THRB: variants seen among roughly 807,000 people sequenced by gnomAD.
THRB encodes the protein thyroid hormone receptor beta.
Under a neutral mutation model 47.8 loss-of-function variants are expected in THRB, and 12 were observed. That is an observed-to-expected ratio of 0.25 (90% confidence interval 0.16 to 0.41). THRB has a LOEUF of 0.41. Ranked by LOEUF, THRB falls within the 10% of genes least tolerant of loss-of-function variation. The pLI, the probability that THRB is intolerant of heterozygous loss-of-function variation, is 1.00. For missense variants in THRB, 348 were observed against 589.2 expected (o/e 0.59, Z 4.24); for synonymous variants, 218 against 212.2 (o/e 1.03, Z -0.24).
chr3:24,335,669 C>T lies in THRB; in HGVS notation c.-189+1631G>A, dbSNP rs181938508. ...CCTTGCCAGCCAATCCTCTCTTCTC[C>T]CCAAGGTAATCACTATTTTGATTCT... On this transcript the variant is annotated intron_variant, in intron 2 of 10. Coordinates refer to ENST00000646209, the MANE Select transcript of THRB (RefSeq NM_001354712.2). Among the ~76,000 whole-genome samples, 37 of 152,264 alleles carry T rather than the reference C, an allele frequency of 2.4e-4. No homozygotes were observed. The East Asian group carries it at 6.9e-3, about 29-fold the overall frequency.
At chr3:24,461,651 C>A (rs2073711265) in intron 1 of THRB, among the ~76,000 whole-genome samples, 1 of 152,034 alleles carries the variant, frequency 6.6e-6, no homozygotes, top group South Asian at 2.1e-4. Context: ...TAACTATAAG[C>A]CAACTAATCT....
intron 3 of THRB, among the ~76,000 whole-genome samples, chr3:24,240,758 G>C (rs577868966): frequency 2.6e-5 from 4 of 152,286 alleles, no homozygotes; most frequent in Non-Finnish European, 4.4e-5. Context: ...GATTCAGTTA[G>C]TTTGGGGTGC....
At chr3:24,459,379 T>C (rs1207232917) in intron 1 of THRB, 1 of 152,212 alleles carries the variant, frequency 6.6e-6, no homozygotes, top group Non-Finnish European at 1.5e-5. Context: ...GACATTTCGG[T>C]TGGTTCCAAG....
At chr3:24,428,480 C>T (rs1486162957) in intron 1 of THRB, among the ~76,000 whole-genome samples, 1 of 151,992 alleles carries the variant, frequency 6.6e-6, no homozygotes, top group Non-Finnish European at 1.5e-5. Context: ...TGGAACTTGC[C>T]AGTGTTACCA....
intron 5 of THRB, among the ~76,000 whole-genome samples, chr3:24,184,767 A>G (rs4858584): frequency 0.045 from 6,880 of 152,208 alleles, 466 homozygotes; most frequent in African/African-American, 0.15. Context: ...GCAGATCCTG[A>G]TGTATGATGA....
In THRB at chr3:24,492,721, T is replaced by C. The variant is rs1308151588; in HGVS notation, c.-261+1931A>G. Among the ~76,000 whole-genome samples the C allele has an allele frequency of 2.0e-5, 3 of 152,358 alleles. No individual in the cohort carries two copies. In the East Asian group the frequency reaches 5.8e-4, roughly 29 times the overall value. ...AAAAGTTGTCTTAATTCATCTCTAA[T>C]TATGGCAGAATTTACTACAAAGAAA... On this transcript the variant is annotated intron_variant, in intron 1 of 10. Coordinates refer to ENST00000646209, the MANE Select transcript of THRB (RefSeq NM_001354712.2).
intron 3 of THRB, among the ~76,000 whole-genome samples, chr3:24,287,907 A>G (rs566104293): frequency 1.3e-5 from 2 of 152,360 alleles, no homozygotes; most frequent in Admixed American, 6.5e-5. Context: ...AAGGAACAAC[A>G]TTTACTCATA....
intron 5 of THRB, among the ~76,000 whole-genome samples, chr3:24,171,015 C>T (rs2040366852): frequency 6.6e-6 from 1 of 152,142 alleles, no homozygotes; most frequent in African/African-American, 2.4e-5. Context: ...ATTAAACTTA[C>T]CTCAGTTGAG....
chr3:24,335,683 T>A (rs1018998407), intron 2 of THRB, among the ~76,000 whole-genome samples: 1 of 152,208 alleles, frequency 6.6e-6, no homozygotes, highest in African/African-American at 2.4e-5. Flanking sequence ...AGGTAATCAC[T>A]ATTTTGATTC....
Position 24,203,392 on chromosome 3 carries a change from G to A in THRB, c.23-13058C>T, listed in dbSNP as rs554683343. Reference sequence around the variant, plus strand: ...CACTCCAGCTTGGGTGACACAGTGGGACCTTGTCTCAAAATTTTAAAAAAG... The same window carrying A: ...CACTCCAGCTTGGGTGACACAGTGGAACCTTGTCTCAAAATTTTAAAAAAG... On this transcript the variant is annotated intron_variant, in intron 4 of 10. Coordinates refer to ENST00000646209, the MANE Select transcript of THRB (RefSeq NM_001354712.2). Among the ~76,000 whole-genome samples, 15 of 152,224 alleles carry A rather than the reference G, an allele frequency of 9.9e-5. 1 individual carries two copies. The highest frequency in any genetic ancestry group is 9.2e-4 in the Admixed American group (14 of 15,288).
At chr3:24,209,392 C>T (rs144271674) in intron 4 of THRB, among the ~76,000 whole-genome samples, 74 of 152,274 alleles carry the variant, frequency 4.9e-4, no homozygotes, top group Middle Eastern at 3.4e-3. Context: ...TTCATTGTGG[C>T]ACTATTCACA....
At chr3:24,179,004 G>A (rs1230669797) in intron 5 of THRB, among the ~76,000 whole-genome samples, 1 of 152,182 alleles carries the variant, frequency 6.6e-6, no homozygotes, top group Non-Finnish European at 1.5e-5. Context: ...GGTGGTGGGA[G>A]GAAGAAGCAG....
At chr3:24,141,048 A>G in intron 8 of THRB, among the ~76,000 whole-genome samples, 1 of 152,236 alleles carries the variant, frequency 6.6e-6, no homozygotes, top group East Asian at 1.9e-4. Context: ...AATGGCTCGG[A>G]GAAGCAGTTA....
chr3:24,202,969 T>C (rs954574786), intron 4 of THRB, among the ~76,000 whole-genome samples: 1 of 152,222 alleles, frequency 6.6e-6, no homozygotes, highest in Non-Finnish European at 1.5e-5. Context: ...ATGGGTCAAC[T>C]GGCCTGATGG....
At chr3:24,281,357 A>G (rs2054582796) in intron 3 of THRB, among the ~76,000 whole-genome samples, 1 of 151,648 alleles carries the variant, frequency 6.6e-6, no homozygotes, top group Non-Finnish European at 1.5e-5. Flanking sequence ...AGTGAAGGAG[A>G]AATAAAATAC....
chr3:24,269,177 CA>C (rs1275567064), intron 3 of THRB, among the ~76,000 whole-genome samples: 1 of 152,016 alleles, frequency 6.6e-6, no homozygotes, highest in Non-Finnish European at 1.5e-5. Flanking sequence ...GTCACAGAAA[CA>C]TAATACAAAT....
At chr3:24,243,351 T>G (rs556944060) in intron 3 of THRB, among the ~76,000 whole-genome samples, 1 of 152,186 alleles carries the variant, frequency 6.6e-6, no homozygotes, top group Non-Finnish European at 1.5e-5. Context: ...AATCCCACTG[T>G]GGCTCCCACA....
At chr3:24,455,735 T>A (rs572239075) in intron 1 of THRB, among the ~76,000 whole-genome samples, 2 of 152,286 alleles carry the variant, frequency 1.3e-5, no homozygotes, top group South Asian at 2.1e-4. Flanking sequence ...GGTCTTTTAT[T>A]AATAGGCAGA....
chr3:24,207,485 G>A (rs1490741750), intron 4 of THRB, among the ~76,000 whole-genome samples: 2 of 152,134 alleles, frequency 1.3e-5, no homozygotes, highest in Non-Finnish European at 2.9e-5. Context: ...AGGTACTGAT[G>A]GGACATATCT....
Sources: gnomAD v4.1 joint callset for allele counts (sites outside exome capture counted in the v4.1 genomes callset) on GRCh38, gnomAD v4.1.1 for gene constraint, MANE v1.5 for transcripts, NCBI Gene and HGNC (gene_info 2026-07-23, HGNC 2026-07-21) for gene names.